CPA4: variants seen among roughly 807,000 people sequenced by gnomAD.
CPA4 encodes the protein carboxypeptidase A4, also known as carboxypeptidase A3.
Under a neutral mutation model 54.7 loss-of-function variants are expected in CPA4, and 49 were observed. That is an observed-to-expected ratio of 0.90 (90% confidence interval 0.71 to 1.14). CPA4 has a LOEUF of 1.14. Among genes scored for constraint, CPA4 ranks in the 50% most tolerant of loss-of-function variants. The probability of loss-of-function intolerance (pLI) is 0.00; values close to 1 mark genes in which losing one functional copy is unlikely to be tolerated. For synonymous variants in CPA4, 215 were observed against 206.8 expected (o/e 1.04, Z -0.34); for missense variants, 487 against 525.1 (o/e 0.93, Z 0.71).
intron 3 of CPA4, 161 bp downstream of exon 3, chr7:130,299,565 A>G (rs570872387): frequency 4.1e-5 from 26 of 638,600 alleles, no homozygotes; most frequent in Non-Finnish European, 3.0e-5. Context: ...TGTTAGAGGA[A>G]CAACATTTTG....
At chr7:130,314,362 A>T (rs1002626169) in intron 10 of CPA4, among the ~76,000 whole-genome samples, 10 of 152,188 alleles carry the variant, frequency 6.6e-5, no homozygotes, top group African/African-American at 2.4e-4. Flanking sequence ...ATAGGTTTGA[A>T]ATAATTTGTT....
chr7:130,299,579 T>C, intron 3 of CPA4, 175 bp downstream of exon 3: 1 of 606,134 alleles, frequency 1.6e-6, no homozygotes, highest in Non-Finnish European at 2.9e-6. Flanking sequence ...CATTTTGTAG[T>C]AGAAAGGGCA....
intron 7 of CPA4, among the ~76,000 whole-genome samples, chr7:130,307,382 A>T (rs1793838637): frequency 6.6e-6 from 1 of 152,172 alleles, no homozygotes; most frequent in Non-Finnish European, 1.5e-5. Context: ...CTGTAATCCC[A>T]GCACTTTGGG....
Position 130,323,570 on chromosome 7 carries a change from A to G in CPA4, c.*894A>G, listed in dbSNP as rs985551338. 4 of 152,074 alleles carry G rather than the reference A, an allele frequency of 2.6e-5. No individual in the cohort carries two copies. The highest frequency in any genetic ancestry group is 9.7e-5 in the African/African-American group (4 of 41,396). 9.4% of individuals were successfully genotyped at this position (152,074 alleles called of 1,614,324 possible). A position where few individuals can be genotyped will look rare whatever the true frequency, so the allele number is the denominator to read the frequency against. Reference sequence around the variant, plus strand: ...ACAAAGTAGAAGATCACTTTCCTTCACTGTGCTGAGAATTTCTAGATACTA... The same window carrying G: ...ACAAAGTAGAAGATCACTTTCCTTCGCTGTGCTGAGAATTTCTAGATACTA... On this transcript the variant is annotated 3_prime_UTR_variant, in exon 11 of 11. Transcript: ENST00000222482.
At chr7:130,315,796 G>A (rs1584754092) in intron 10 of CPA4, among the ~76,000 whole-genome samples, 4 of 152,294 alleles carry the variant, frequency 2.6e-5, no homozygotes, top group African/African-American at 9.6e-5. Flanking sequence ...AAAGAAGGGG[G>A]TTTAGTGTTG....
At chr7:130,321,392 T>C (rs931856744) in intron 10 of CPA4, among the ~76,000 whole-genome samples, 1 of 152,104 alleles carries the variant, frequency 6.6e-6, no homozygotes, top group South Asian at 2.1e-4. Context: ...TCCTAAAACT[T>C]AGCAGCTTAA....
chr7:130,302,901 G>C (rs1265483540), intron 4 of CPA4, among the ~76,000 whole-genome samples: 3 of 152,080 alleles, frequency 2.0e-5, no homozygotes, highest in Non-Finnish European at 4.4e-5. Context: ...GGCAGAGATG[G>C]GGCTCTGTGG....
At chr7:130,304,052 A>T (rs576316873) in intron 4 of CPA4, among the ~76,000 whole-genome samples, 1 of 151,588 alleles carries the variant, frequency 6.6e-6, no homozygotes, top group East Asian at 1.9e-4. Flanking sequence ...TTTCTTGTAG[A>T]GATGGGGTCT....
chr7:130,300,421 T>A (rs1793721771), intron 3 of CPA4, among the ~76,000 whole-genome samples: 1 of 150,606 alleles, frequency 6.6e-6, no homozygotes, highest in African/African-American at 2.4e-5. Context: ...CTGCAACCTC[T>A]GACTCCCTGG....
At chr7:130,299,547 C>A in intron 3 of CPA4, 143 bp downstream of exon 3, 2 of 710,086 alleles carry the variant, frequency 2.8e-6, no homozygotes, top group Non-Finnish European at 4.7e-6. Context: ...AAGTAAAGTG[C>A]AGTGACTTGT....
chr7:130,308,326 C>T lies in CPA4; in HGVS notation c.722C>T (p.Thr241Met), dbSNP rs780563559. ...TQTQNRLWRK[T>M]RSRNPGSSCI... ...TTTCAGAACCGATTATGGAGGAAGA[C>T]GCGGTCCCGAAATCCTGGAAGCTCC... is the stretch of plus-strand genomic sequence containing the variant. Residue 241 changes from threonine to methionine, a missense_variant, in exon 8 of 11, where the codon ACG (threonine) becomes ATG (methionine). Physicochemically the swap from Thr to Met is moderately conservative, Grantham distance 81. Transcript: ENST00000222482. 12 of 1,614,132 alleles carry T rather than the reference C, an allele frequency of 7.4e-6. No individual in the cohort carries two copies. Among genetic ancestry groups the T allele is most frequent in the East Asian group, 2.2e-5 (1 of 44,880 alleles).
At chr7:130,299,002 G>A (rs888561150) in intron 2 of CPA4, among the ~76,000 whole-genome samples, 175 bp downstream of exon 2, 3 of 152,260 alleles carry the variant, frequency 2.0e-5, no homozygotes, top group Non-Finnish European at 2.9e-5. Flanking sequence ...GCACATCACA[G>A]CTGTGGTGTC....
intron 10 of CPA4, among the ~76,000 whole-genome samples, chr7:130,318,827 A>G (rs1396211513): frequency 6.6e-6 from 1 of 152,136 alleles, no homozygotes; most frequent in East Asian, 1.9e-4. Flanking sequence ...ATCCAACGCC[A>G]TAGGTTATGG....
At chr7:130,306,216 A>G in intron 6 of CPA4, 1 of 424,348 alleles carries the variant, frequency 2.4e-6, no homozygotes, top group South Asian at 2.6e-5. Context: ...ACAAGGCCCC[A>G]TAGACCCTCG....
Position 130,322,893 on chromosome 7 carries a change from GT to G in CPA4, c.*222del. ...CAGCCTGCTCAATTTTGGTCCTGCT[GT>G]TTTTGATGAGCCTTTTGTCTGTTTC... On this transcript the variant is annotated 3_prime_UTR_variant, in exon 11 of 11. Transcript: ENST00000222482. 1 of 473,424 alleles carries G rather than the reference GT, an allele frequency of 2.1e-6. No individual in the cohort carries two copies. Among genetic ancestry groups the G allele is most frequent in the Non-Finnish European group, 3.7e-6 (1 of 270,116 alleles). 29.3% of individuals were successfully genotyped at this position (473,424 alleles called of 1,614,324 possible).
intron 1 of CPA4, among the ~76,000 whole-genome samples, chr7:130,293,898 T>C (rs550807084): frequency 1.1e-4 from 16 of 152,214 alleles, no homozygotes; most frequent in South Asian, 1.0e-3. Context: ...CGCGTGTGTG[T>C]GTGCACACAC....
At chr7:130,311,078 C>T (rs1036611541) in intron 9 of CPA4, 92 bp downstream of exon 9, 1 of 994,800 alleles carries the variant, frequency 1.0e-6, no homozygotes, top group Non-Finnish European at 1.6e-6. Flanking sequence ...TAGGGAGGGT[C>T]CAGGAGCCTA....
At chr7:130,308,107 C>T in intron 7 of CPA4, 200 bp from the exon 8 acceptor site, 1 of 595,692 alleles carries the variant, frequency 1.7e-6, no homozygotes, top group South Asian at 2.0e-5. Flanking sequence ...TGGAAGAAGT[C>T]CTTCTCTTAG....
At chr7:130,318,728 T>C (rs1794031424) in intron 10 of CPA4, among the ~76,000 whole-genome samples, 1 of 152,298 alleles carries the variant, frequency 6.6e-6, no homozygotes, top group South Asian at 2.1e-4. Flanking sequence ...CCACCTTTTC[T>C]AAGAGCCCAT....
Sources: gnomAD v4.1 joint callset for allele counts (sites outside exome capture counted in the v4.1 genomes callset) on GRCh38, gnomAD v4.1.1 for gene constraint, MANE v1.5 for transcripts, NCBI Gene and HGNC (gene_info 2026-07-23, HGNC 2026-07-21) for gene names.